The following STT3B variants were observed in gnomAD, a reference collection of about 807,000 sequenced individuals.
The protein encoded by STT3B is STT3 oligosaccharyltransferase complex catalytic subunit B.
In STT3B, 29 loss-of-function variants were observed where a neutral mutation model predicts 96.8. The ratio of observed to expected loss-of-function variants is 0.30; its 90% CI spans 0.22 to 0.41. STT3B has a LOEUF of 0.41. Among genes scored for constraint, STT3B ranks in the 10% least tolerant of loss-of-function variants. The probability of loss-of-function intolerance (pLI) is 1.00; values close to 1 mark genes in which losing one functional copy is unlikely to be tolerated. For missense variants in STT3B, 640 were observed against 1,022.3 expected (o/e 0.63, Z 5.10); for synonymous variants, 367 against 360.0 (o/e 1.02, Z -0.22).
At chr3:31,539,233 A>G (rs190759560) in intron 1 of STT3B, among the ~76,000 whole-genome samples, 4 of 152,268 alleles carry the variant, frequency 2.6e-5, no homozygotes, top group African/African-American at 7.2e-5. Flanking sequence ...TCTCTAAACA[A>G]TTGTGACTGT....
chr3:31,625,006 A>C lies in STT3B; in HGVS notation c.1820A>C (p.Tyr607Ser). 1 of 1,613,958 alleles carries C rather than the reference A, an allele frequency of 6.2e-7. No homozygotes were observed. Among genetic ancestry groups the C allele is most frequent in the Non-Finnish European group, 8.5e-7 (1 of 1,179,912 alleles). ...GCACGAGTAATGTCTTGGTGGGATT[A>C]TGGCTATCAGATAGCTGGAATGGCT... ...EHARVMSWWD[Y>S]GYQIAGMANR... Residue 607 changes from tyrosine to serine, a missense_variant, in exon 12 of 16, where the codon TAT (tyrosine) becomes TCT (serine). Physicochemically the swap from Tyr to Ser is moderately radical, Grantham distance 144. Coordinates refer to ENST00000295770, the MANE Select transcript of STT3B (RefSeq NM_178862.3).
At chr3:31,629,481 G>C (rs1699606615) in intron 14 of STT3B, 70 bp downstream of exon 14, 2 of 767,310 alleles carry the variant, frequency 2.6e-6, no homozygotes, top group Non-Finnish European at 2.2e-6. Context: ...TTTGCCTCTA[G>C]AAAACAGGAT....
chr3:31,558,178 C>T (rs1697770509), intron 1 of STT3B, among the ~76,000 whole-genome samples: 1 of 152,106 alleles, frequency 6.6e-6, no homozygotes, highest in African/African-American at 2.4e-5. Flanking sequence ...TACTTTTGTC[C>T]TCTTACCTGA....
In STT3B at chr3:31,538,479, A is replaced by G. The variant is rs144157042; in HGVS notation, c.314+5167A>G. 2.6e-3 allele frequency among the ~76,000 whole-genome samples: 397 copies of G among 152,076 alleles called. 3 individuals are homozygous for G. The highest frequency in any genetic ancestry group is 9.3e-3 in the African/African-American group (383 of 41,392). ...AATCTGGTGTCTCAGAAGAAACTCT[A>G]AAGTGGTTAGATGGATATTGATGTT... On this transcript the variant is annotated intron_variant, in intron 1 of 15. Transcript: ENST00000295770.
At chr3:31,627,434 A>G (rs1022328051) in intron 13 of STT3B, among the ~76,000 whole-genome samples, 1 of 152,236 alleles carries the variant, frequency 6.6e-6, no homozygotes, top group African/African-American at 2.4e-5. Flanking sequence ...CTCTGGTGCC[A>G]AAAAGGTTGG....
Position 31,533,324 on chromosome 3 carries a change from G to T in STT3B, c.314+12G>T, listed in dbSNP as rs774524293. 1.3e-6 allele frequency: 2 copies of T among 1,513,492 alleles called. No individual in the cohort carries two copies. The highest frequency in any genetic ancestry group is 2.9e-5 in the East Asian group (1 of 34,946). 93.8% of individuals were successfully genotyped at this position (1,513,492 alleles called of 1,614,324 possible). A position where few individuals can be genotyped will look rare whatever the true frequency, so the allele number is the denominator to read the frequency against. ...GAGTTCGACCCGTGGTAAGTGCCTC[G>T]CCGCCCCTCCCCCGCCCGTGGCCCG... is the stretch of plus-strand genomic sequence containing the variant. On this transcript the variant is annotated intron_variant, in intron 1 of 15. Transcript: ENST00000295770.
intron 5 of STT3B, among the ~76,000 whole-genome samples, chr3:31,605,670 T>A (rs550935966): frequency 1.3e-5 from 2 of 152,214 alleles, no homozygotes; most frequent in Non-Finnish European, 2.9e-5. Flanking sequence ...TCTTTTTCTT[T>A]ATAAATTACC....
At chr3:31,592,490 T>C (rs1395616960) in intron 3 of STT3B, among the ~76,000 whole-genome samples, 1 of 152,208 alleles carries the variant, frequency 6.6e-6, no homozygotes, top group Non-Finnish European at 1.5e-5. Context: ...ATTCTATTTT[T>C]AAATTTTGGG....
chr3:31,534,150 A>G (rs578187523), intron 1 of STT3B, among the ~76,000 whole-genome samples: 1 of 152,296 alleles, frequency 6.6e-6, no homozygotes, highest in African/African-American at 2.4e-5. Context: ...ATCTGAAAGC[A>G]TTGCATTAGT....
At chr3:31,580,242 A>G in intron 3 of STT3B, 146 bp downstream of exon 3, 1 of 749,476 alleles carries the variant, frequency 1.3e-6, no homozygotes, top group East Asian at 2.6e-5. Context: ...TTAATAATGG[A>G]TAACATTTTA....
intron 5 of STT3B, among the ~76,000 whole-genome samples, chr3:31,607,967 G>A (rs1358871010): frequency 6.6e-6 from 1 of 152,158 alleles, no homozygotes; most frequent in Non-Finnish European, 1.5e-5. Context: ...AGTATTTACA[G>A]TGGTATTCAG....
chr3:31,533,274 C>T lies in STT3B; in HGVS notation c.276C>T (p.Val92=), dbSNP rs933064491. 6.5e-7 allele frequency: 1 copy of T among 1,531,488 alleles called. No individual in the cohort carries two copies. The highest frequency in any genetic ancestry group is 1.4e-5 in the African/African-American group (1 of 69,936). The allele number at this position is 1,531,488 out of a possible 1,614,324, so 94.9% of individuals were successfully genotyped here. A position where few individuals can be genotyped will look rare whatever the true frequency, so the allele number is the denominator to read the frequency against. The change falls in exon 1 of 16, where the codon GTC becomes GTT. Residue 92 remains valine, a synonymous_variant. Coordinates refer to ENST00000295770, the MANE Select transcript of STT3B (RefSeq NM_178862.3). ...LAGFSSRLFA[V]IRFESIIHEF... is the part of the protein sequence containing the mutation. The stretch of plus-strand genomic sequence containing the variant: ...GCTTCAGCTCGCGCCTCTTCGCCGT[C>T]ATCCGCTTCGAAAGCATCATCCACG...
chr3:31,597,708 G>T (rs981028844), intron 4 of STT3B, among the ~76,000 whole-genome samples: 1 of 151,912 alleles, frequency 6.6e-6, no homozygotes, highest in Admixed American at 6.6e-5. Context: ...ATCCTCCTAC[G>T]TTAGCCTCCC....
intron 1 of STT3B, among the ~76,000 whole-genome samples, chr3:31,547,616 A>C (rs1261656226): frequency 6.6e-6 from 1 of 152,252 alleles, no homozygotes; most frequent in East Asian, 1.9e-4. Context: ...ACTGCACTCC[A>C]ACCTGCATGA....
At chr3:31,609,899 T>A (rs1699143321) in intron 5 of STT3B, among the ~76,000 whole-genome samples, 1 of 152,222 alleles carries the variant, frequency 6.6e-6, no homozygotes, top group African/African-American at 2.4e-5. Flanking sequence ...ATTAAGTATC[T>A]CTACTGAAGT....
At chr3:31,561,793 T>A (rs1443541124) in intron 1 of STT3B, among the ~76,000 whole-genome samples, 2 of 152,188 alleles carry the variant, frequency 1.3e-5, no homozygotes, top group African/African-American at 4.8e-5. Flanking sequence ...TTGGAGAGAA[T>A]TTTTTCCTGA....
At chr3:31,623,549 T>C in intron 10 of STT3B, 125 bp from the exon 11 acceptor site, 1 of 703,900 alleles carries the variant, frequency 1.4e-6, no homozygotes, top group East Asian at 2.7e-5. Flanking sequence ...ATCTGATGGT[T>C]ATACATTTTC....
At chr3:31,544,679 T>A (rs1319780172) in intron 1 of STT3B, among the ~76,000 whole-genome samples, 1 of 152,160 alleles carries the variant, frequency 6.6e-6, no homozygotes, top group South Asian at 2.1e-4. Flanking sequence ...CTTAAAGCAT[T>A]TGCACGGGGC....
intron 15 of STT3B, 182 bp downstream of exon 15, chr3:31,633,329 C>T: frequency 1.6e-6 from 1 of 617,618 alleles, no homozygotes; most frequent in South Asian, 2.2e-5. Context: ...CTGAGCACTT[C>T]AGATATCCCA....
Sources: allele counts gnomAD v4.1 joint callset (sites outside exome capture counted in the v4.1 genomes callset), GRCh38; gene constraint gnomAD v4.1.1; transcripts MANE v1.5; gene names NCBI Gene and HGNC (gene_info 2026-07-23, HGNC 2026-07-21).